The following STX7 variants were observed in gnomAD, a reference collection of about 807,000 sequenced individuals.
STX7 encodes the protein syntaxin 7.
In STX7, 34 loss-of-function variants were observed where a neutral mutation model predicts 39.6. The ratio of observed to expected loss-of-function variants is 0.86; its 90% CI spans 0.65 to 1.14. The LOEUF (loss-of-function observed/expected upper bound fraction) is 1.14. Among genes scored for constraint, STX7 ranks in the 50% most tolerant of loss-of-function variants. The pLI is 0.00. For synonymous variants in STX7, 119 were observed against 99.1 expected (o/e 1.20, Z -1.19); for missense variants, 284 against 310.4 (o/e 0.92, Z 0.64).
In STX7 at chr6:132,455,227, G is replaced by A. The variant is rs1258089087; in HGVS notation, c.*5531C>T. 6.6e-6 allele frequency: 1 copy of A among 152,088 alleles called. No individual in the cohort carries two copies. 9.4% of individuals were successfully genotyped at this position (152,088 alleles called of 1,614,324 possible). On this transcript the variant is annotated 3_prime_UTR_variant, in exon 10 of 10. Transcript: ENST00000367941. ...CTAGAAAACAGGTTCTCTTCTTTCT[G>A]GTCTGAGTTTAACATTTCAGATCTC...
chr6:132,509,493 AT>A (rs1582689932), intron 1 of STX7, among the ~76,000 whole-genome samples: 4 of 120,180 alleles, frequency 3.3e-5, no homozygotes, highest in East Asian at 2.9e-4. Context: ...ATAACATAAC[AT>A]AACATAACAT....
rs757417280 is a variant in STX7 at position 132,454,117 on chromosome 6, C to A, written c.*6641G>T. On this transcript the variant is annotated 3_prime_UTR_variant, in exon 10 of 10. Coordinates refer to ENST00000367941, the MANE Select transcript of STX7 (RefSeq NM_003569.3). ...AAAGTACCTGTCAATAGACTTGATA[C>A]ACATAATAAGCTGGATTAACCTCCA... 1 of 151,208 alleles carries A rather than the reference C, an allele frequency of 6.6e-6. No individual in the cohort carries two copies. Among genetic ancestry groups the A allele is most frequent in the Non-Finnish European group, 1.5e-5 (1 of 67,916 alleles). 9.4% of individuals were successfully genotyped at this position (151,208 alleles called of 1,614,324 possible).
At chr6:132,469,833 T>C (rs552900588) in intron 7 of STX7, 118 bp downstream of exon 7, 44 of 732,432 alleles carry the variant, frequency 6.0e-5, no homozygotes, top group Middle Eastern at 4.7e-4. Context: ...AGGGAGACTG[T>C]CTCAAAAAGA....
At chr6:132,486,953 C>T (rs1259046163) in intron 2 of STX7, among the ~76,000 whole-genome samples, 1 of 152,008 alleles carries the variant, frequency 6.6e-6, no homozygotes, top group East Asian at 1.9e-4. Context: ...AGGCATGAAC[C>T]ACTGCACCCA....
Position 132,503,839 on chromosome 6 carries a change from C to T in STX7, c.-58-251G>A, listed in dbSNP as rs565538665. 5.3e-5 allele frequency among the ~76,000 whole-genome samples: 8 copies of T among 151,842 alleles called. No individual in the cohort carries two copies. The South Asian group carries it at 1.7e-3, about 32-fold the overall frequency. The stretch of plus-strand genomic sequence containing the variant: ...TCAAATTGCATATTTCCTTTGAAAA[C>T]GTCTTTGATCTCTTCAAGAAAAATT... On this transcript the variant is annotated intron_variant, in intron 1 of 9. Transcript: ENST00000367941.
chr6:132,497,916 T>C (rs949619285), intron 2 of STX7, among the ~76,000 whole-genome samples: 6 of 152,204 alleles, frequency 3.9e-5, no homozygotes, highest in Non-Finnish European at 7.3e-5. Flanking sequence ...TCTAAGCCTT[T>C]CTAAGAGGCA....
intron 1 of STX7, among the ~76,000 whole-genome samples, chr6:132,509,478 A>C (rs1323063591): frequency 0.016 from 1,672 of 106,432 alleles, 101 homozygotes; most frequent in Admixed American, 0.04. Flanking sequence ...ATAACATAAC[A>C]TAACATAACA....
At position 132,450,572 on chromosome 6, in the gene STX7, G is replaced by C. The variant is rs996334903; in HGVS notation, c.*10186C>G. ...TCTATAGTATAGGTTTATACTCCAG[G>C]GGTCAACCAACATTTTCGGTAAAGG... On this transcript the variant is annotated 3_prime_UTR_variant, in exon 10 of 10. Coordinates refer to ENST00000367941, the MANE Select transcript of STX7 (RefSeq NM_003569.3). 6 of 151,850 alleles carry C rather than the reference G, an allele frequency of 4.0e-5. No homozygotes were observed. The highest frequency in any genetic ancestry group is 1.5e-4 in the African/African-American group (6 of 41,354). The allele number at this position is 151,850 out of a possible 1,614,324, so 9.4% of individuals were successfully genotyped here.
At chr6:132,482,066 C>A (rs1341388886) in intron 2 of STX7, among the ~76,000 whole-genome samples, 1 of 152,034 alleles carries the variant, frequency 6.6e-6, no homozygotes. Context: ...ATATTGTTGA[C>A]CCTCAATGAA....
chr6:132,469,351 C>T (rs1432937318), intron 7 of STX7, among the ~76,000 whole-genome samples: 1 of 152,162 alleles, frequency 6.6e-6, no homozygotes, highest in Admixed American at 6.5e-5. Context: ...ACATTTATCT[C>T]TACACTGGTA....
At position 132,451,846 on chromosome 6, in the gene STX7, T is replaced by C. The variant is rs979594557; in HGVS notation, c.*8912A>G. The C allele has an allele frequency of 6.6e-6, 1 of 152,196 alleles. No homozygotes were observed. Among genetic ancestry groups the C allele is most frequent in the Admixed American group, 6.5e-5 (1 of 15,276 alleles). 9.4% of individuals were successfully genotyped at this position (152,196 alleles called of 1,614,324 possible). A position where few individuals can be genotyped will look rare whatever the true frequency, so the allele number is the denominator to read the frequency against. The stretch of plus-strand genomic sequence containing the variant: ...GATTTCATTGGAAAGTTCTATCAAA[T>C]GTTTTAAAAAGCGCTGACACCAATT... On this transcript the variant is annotated 3_prime_UTR_variant, in exon 10 of 10. Transcript: ENST00000367941.
chr6:132,472,494 G>T, intron 3 of STX7, 119 bp from the exon 4 acceptor site: 1 of 617,968 alleles, frequency 1.6e-6, no homozygotes. Context: ...TCATAAACTG[G>T]CTCTCAACTT....
intron 2 of STX7, among the ~76,000 whole-genome samples, chr6:132,486,849 T>C (rs755208847): frequency 1.8e-4 from 28 of 152,178 alleles, no homozygotes; most frequent in East Asian, 3.9e-4. Flanking sequence ...GTACTTTTAG[T>C]AGAGACAGAG....
In STX7 at chr6:132,493,618, T is replaced by C. The variant is rs187885151; in HGVS notation, c.85+9828A>G. ...AGGCCTCCCCAGCCATGTGGAAATG[T>C]GATCCATTACACCTCTTTTTCTTTA... On this transcript the variant is annotated intron_variant, in intron 2 of 9. Transcript: ENST00000367941. 4.6e-5 allele frequency among the ~76,000 whole-genome samples: 7 copies of C among 152,378 alleles called. No homozygotes were observed. In the East Asian group the frequency reaches 1.3e-3, roughly 29 times the overall value.
At chr6:132,510,829 T>C (rs1775830348) in intron 1 of STX7, among the ~76,000 whole-genome samples, 1 of 152,228 alleles carries the variant, frequency 6.6e-6, no homozygotes, top group Non-Finnish European at 1.5e-5. Flanking sequence ...AGACGGCTTC[T>C]AAAGAACACA....
intron 2 of STX7, among the ~76,000 whole-genome samples, chr6:132,494,155 A>C (rs925875848): frequency 6.6e-6 from 1 of 152,190 alleles, no homozygotes; most frequent in East Asian, 1.9e-4. Context: ...ACTTAGGATA[A>C]AATGTCTGTT....
At position 132,459,283 on chromosome 6, in the gene STX7, T is replaced by TG. The variant is rs1311923860; in HGVS notation, c.*1474dup. The stretch of plus-strand genomic sequence containing the variant: ...CTGTAATCCCTTTTGTGGAAAAAAA[T>TG]GGAGTTTTTCTGATATGCAAAGCAA... On this transcript the variant is annotated 3_prime_UTR_variant, in exon 10 of 10. Coordinates refer to ENST00000367941, the MANE Select transcript of STX7 (RefSeq NM_003569.3). The TG allele has an allele frequency of 1.3e-5, 2 of 152,080 alleles. No individual in the cohort carries two copies. The highest frequency in any genetic ancestry group is 2.9e-5 in the Non-Finnish European group (2 of 67,996). 9.4% of individuals were successfully genotyped at this position (152,080 alleles called of 1,614,324 possible).
In STX7 at chr6:132,463,844, T is replaced by C. The variant is rs1774486151; in HGVS notation, c.693+149A>G. The stretch of plus-strand genomic sequence containing the variant: ...AAAACAGTTCTAAACTGACTGGTAT[T>C]ATTTAAACAGACTTCTCTTCCATGG... On this transcript the variant is annotated intron_variant, in intron 9 of 9. Transcript: ENST00000367941. 3 of 724,914 alleles carry C rather than the reference T, an allele frequency of 4.1e-6. No individual in the cohort carries two copies. The East Asian group carries it at 8.1e-5, about 20-fold the overall frequency. The allele number at this position is 724,914 out of a possible 1,614,324, so 44.9% of individuals were successfully genotyped here.
intron 1 of STX7, among the ~76,000 whole-genome samples, chr6:132,506,018 T>C (rs1467765147): frequency 6.6e-6 from 1 of 151,912 alleles, no homozygotes; most frequent in African/African-American, 2.4e-5. Context: ...CAATACATGG[T>C]GCTGGGAAAA....
Sources: allele counts gnomAD v4.1 joint callset (sites outside exome capture counted in the v4.1 genomes callset), GRCh38; gene constraint gnomAD v4.1.1; transcripts MANE v1.5; gene names NCBI Gene and HGNC (gene_info 2026-07-23, HGNC 2026-07-21).